KLHL20: variants seen among roughly 807,000 people sequenced by gnomAD.
KLHL20 encodes the protein kelch like family member 20.
KLHL20 carries 29 observed loss-of-function variants against 69.5 expected under a neutral mutation model. The observed-to-expected ratio is 0.42, with a 90% CI of 0.31 to 0.57. KLHL20 has a LOEUF of 0.57. Among genes scored for constraint, KLHL20 ranks in the 20% least tolerant of loss-of-function variants. KLHL20 has a pLI of 0.18. For synonymous variants in KLHL20, 253 were observed against 265.2 expected, an observed-to-expected ratio of 0.95 and a Z score of 0.45; for missense variants, 419 against 776.0, an observed-to-expected ratio of 0.54 and a Z score of 5.47.
intron 2 of KLHL20, among the ~76,000 whole-genome samples, chr1:173,717,327 CT>C (rs35755627): frequency 6.6e-6 from 1 of 152,270 alleles, no homozygotes; most frequent in East Asian, 1.9e-4. Flanking sequence ...ATACCTGCTC[CT>C]TTTTTCTTGC....
chr1:173,743,539 A>T (rs1555267), intron 3 of KLHL20, among the ~76,000 whole-genome samples: 120,257 of 143,224 alleles, frequency 0.84, 50,573 homozygotes, highest in East Asian at 0.99. Context: ...TGGTGATTTT[A>T]AAAAAAAAAA....
chr1:173,762,311 CAA>C (rs1647362404), intron 7 of KLHL20, among the ~76,000 whole-genome samples: 1 of 152,096 alleles, frequency 6.6e-6, no homozygotes, highest in Non-Finnish European at 1.5e-5. Context: ...AAATTGGTAC[CAA>C]TCCTTTTGAC....
chr1:173,740,853 A>T (rs1488372755), intron 3 of KLHL20, among the ~76,000 whole-genome samples: 1 of 151,926 alleles, frequency 6.6e-6, no homozygotes, highest in Non-Finnish European at 1.5e-5. Context: ...ATTTGCACTC[A>T]GTCAAATTAT....
intron 3 of KLHL20, among the ~76,000 whole-genome samples, chr1:173,745,413 T>A (rs1673012979): frequency 1.3e-5 from 2 of 152,036 alleles, no homozygotes; most frequent in Non-Finnish European, 2.9e-5. Context: ...TCCGCCCTCC[T>A]TGGCCTCCCA....
intron 2 of KLHL20, among the ~76,000 whole-genome samples, chr1:173,728,738 A>G (rs532732236): frequency 1.2e-4 from 19 of 152,344 alleles, no homozygotes; most frequent in African/African-American, 3.8e-4. Context: ...GACACATTCA[A>G]AGCAGTGTGT....
At chr1:173,723,725 G>T (rs1259893830) in intron 2 of KLHL20, among the ~76,000 whole-genome samples, 1 of 152,186 alleles carries the variant, frequency 6.6e-6, no homozygotes, top group Non-Finnish European at 1.5e-5. Context: ...CAGAATGCTT[G>T]AGTCATCCCC....
chr1:173,755,413 T>C (rs1673507466), intron 5 of KLHL20, among the ~76,000 whole-genome samples: 2 of 152,322 alleles, frequency 1.3e-5, no homozygotes, highest in Middle Eastern at 3.4e-3. Context: ...ACAGGAAATA[T>C]GTCTCGGTAG....
In KLHL20 at chr1:173,727,796, A is replaced by G. The variant is rs958885576; in HGVS notation, c.24-5917A>G. On this transcript the variant is annotated intron_variant, in intron 2 of 11. Coordinates refer to ENST00000209884, the MANE Select transcript of KLHL20 (RefSeq NM_014458.4). The stretch of plus-strand genomic sequence containing the variant: ...AACCGGTACCAGCCACTGCAAAAAC[A>G]TGCCAAATTGTAAATACCATCAAGG... Among the ~76,000 whole-genome samples, 4 of 152,214 alleles carry G rather than the reference A, an allele frequency of 2.6e-5. No individual in the cohort carries two copies. In the South Asian group the frequency reaches 6.2e-4, roughly 24 times the overall value.
At chr1:173,743,507 A>G (rs1036600797) in intron 3 of KLHL20, among the ~76,000 whole-genome samples, 8 of 151,172 alleles carry the variant, frequency 5.3e-5, no homozygotes, top group Non-Finnish European at 1.2e-4. Flanking sequence ...ATTCCTGAAC[A>G]CTTACTATGA....
intron 10 of KLHL20, among the ~76,000 whole-genome samples, chr1:173,776,190 T>C (rs1257812275): frequency 6.6e-6 from 1 of 152,238 alleles, no homozygotes; most frequent in African/African-American, 2.4e-5. Flanking sequence ...GATCAGATGT[T>C]GAGCACCTTT....
At position 173,734,000 on chromosome 1, in the gene KLHL20, G is replaced by C. The variant is rs1300567160; in HGVS notation, c.311G>C (p.Ser104Thr). 1 of 1,614,074 alleles carries C rather than the reference G, an allele frequency of 6.2e-7. No individual in the cohort carries two copies. The highest frequency in any genetic ancestry group is 8.5e-7 in the Non-Finnish European group (1 of 1,180,042). ...RAMFTGELAE[S>T]RQTEVVIRDI... ...ATGTTTACAGGAGAATTGGCAGAGA[G>C]CCGTCAGACAGAAGTAGTGATCCGA... is the stretch of plus-strand genomic sequence containing the variant. Residue 104 changes from serine to threonine, a missense_variant, in exon 3 of 12, where the codon AGC becomes ACC. Around this residue, in one of 6 missense-constraint regions of KLHL20, gnomAD observed 129 missense variants for 183.6 expected, o/e 0.70. Transcript: ENST00000209884.
intron 7 of KLHL20, among the ~76,000 whole-genome samples, chr1:173,765,515 A>AAT: frequency 6.6e-6 from 1 of 152,300 alleles, no homozygotes; most frequent in South Asian, 2.1e-4. Context: ...AAAAAAAAAA[A>AAT]ATTAAGCATA....
chr1:173,768,279 G>T (rs1647858362), intron 8 of KLHL20, among the ~76,000 whole-genome samples: 1 of 152,052 alleles, frequency 6.6e-6, no homozygotes, highest in South Asian at 2.1e-4. Context: ...AACAGATTTT[G>T]TTCTTAATTT....
intron 2 of KLHL20, among the ~76,000 whole-genome samples, chr1:173,727,170 A>T (rs569260865): frequency 6.6e-6 from 1 of 152,280 alleles, no homozygotes; most frequent in South Asian, 2.1e-4. Flanking sequence ...AAATGAATGA[A>T]ATGAAGCAAG....
In KLHL20 at chr1:173,774,447, C is replaced by T. The variant is rs746999441; in HGVS notation, c.1429+9C>T. ...ATCTCCTCTCAACACAGGTTAGTCC[C>T]TCCCAAAGGCAATCAGGTTCCCCAA... On this transcript the variant is annotated intron_variant, in intron 9 of 11. Coordinates refer to ENST00000209884, the MANE Select transcript of KLHL20 (RefSeq NM_014458.4). 2 of 1,613,882 alleles carry T rather than the reference C, an allele frequency of 1.2e-6. No homozygotes were observed. The highest frequency in any genetic ancestry group is 1.1e-5 in the South Asian group (1 of 91,068).
intron 7 of KLHL20, among the ~76,000 whole-genome samples, chr1:173,764,658 AATGTGGGAGCTAAGCT>A (rs1558214202): frequency 6.6e-6 from 1 of 152,134 alleles, no homozygotes; most frequent in Admixed American, 6.5e-5. Flanking sequence ...TCTCACTGAT[AATGTGGGAGCTAAGCT>A]ATGAGGACTC....
Position 173,748,522 on chromosome 1 carries a change from T to A in KLHL20, c.598-3242T>A, listed in dbSNP as rs547158535. On this transcript the variant is annotated intron_variant, in intron 3 of 11. Transcript: ENST00000209884. ...ATTTCTCATTGAAAATAATCTAACT[T>A]CTTTAGATGCCTTGATAACAGACTT... 3.3e-5 allele frequency among the ~76,000 whole-genome samples: 5 copies of A among 152,292 alleles called. No homozygotes were observed. The East Asian group carries it at 9.6e-4, about 29-fold the overall frequency.
intron 8 of KLHL20, among the ~76,000 whole-genome samples, chr1:173,769,277 G>C (rs779810951): frequency 6.6e-6 from 1 of 152,080 alleles, no homozygotes; most frequent in South Asian, 2.1e-4. Context: ...GGATGAGAAA[G>C]GGGGGATGAA....
At chr1:173,775,066 C>G (rs2102532796) in intron 9 of KLHL20, among the ~76,000 whole-genome samples, 1 of 152,324 alleles carries the variant, frequency 6.6e-6, no homozygotes, top group East Asian at 1.9e-4. Context: ...CCACCTCAGC[C>G]TCCTAAAGTG....
Sources: gnomAD v4.1 joint callset for allele counts (sites outside exome capture counted in the v4.1 genomes callset) on GRCh38, gnomAD v4.1.1 for gene constraint, gnomAD v4.1.1 regional missense constraint, MANE v1.5 for transcripts, NCBI Gene and HGNC (gene_info 2026-07-23, HGNC 2026-07-21) for gene names.